Variants in AKR1C8 observed in about 807,000 individuals in gnomAD.
AKR1C8 encodes the protein aldo-keto reductase family 1 member C8, also known as aldo-keto reductase family 1 member C-like protein 1.
the AKR1C8 span, among the ~76,000 whole-genome samples, chr10:5,163,757 C>T: frequency 6.6e-6 from 1 of 152,042 alleles, no homozygotes; most frequent in African/African-American, 2.4e-5. Context: ...AGACAAAGGC[C>T]CAACATAAAA....
At chr10:5,160,991 T>C in the AKR1C8 span, 4 of 427,514 alleles carry the variant, frequency 9.4e-6, no homozygotes, top group South Asian at 3.5e-5. Flanking sequence ...TTTCAGGAGG[T>C]GGTGATTATT....
chr10:5,141,765 A>C, the AKR1C8 span, among the ~76,000 whole-genome samples: 49 of 152,154 alleles, frequency 3.2e-4, no homozygotes, highest in Non-Finnish European at 6.0e-4. Context: ...TTTATTTTAA[A>C]CAGTAGACTT....
At chr10:5,161,360 G>A in the AKR1C8 span, among the ~76,000 whole-genome samples, 1 of 152,172 alleles carries the variant, frequency 6.6e-6, no homozygotes, top group Non-Finnish European at 1.5e-5. Flanking sequence ...AACGTCCACT[G>A]TGATGAGAGG....
the AKR1C8 span, among the ~76,000 whole-genome samples, chr10:5,137,154 C>A: frequency 4.9e-3 from 751 of 152,178 alleles, 6 homozygotes; most frequent in Middle Eastern, 0.014. Context: ...AATCTTTTGG[C>A]TGCTAGAAAC....
At chr10:5,128,707 A>G in the AKR1C8 span, among the ~76,000 whole-genome samples, 1 of 152,114 alleles carries the variant, frequency 6.6e-6, no homozygotes, top group Admixed American at 6.6e-5. Context: ...TAATTATATA[A>G]TGATAAAAGA....
the AKR1C8 span, chr10:5,132,807 G>A: frequency 8.0e-3 from 7,123 of 890,202 alleles, 372 homozygotes; most frequent in African/African-American, 0.11. Flanking sequence ...GGTGATCAAT[G>A]TGCTCAACAG....
chr10:5,121,600 G>A, the AKR1C8 span, among the ~76,000 whole-genome samples: 1 of 151,970 alleles, frequency 6.6e-6, no homozygotes, highest in African/African-American at 2.4e-5. Flanking sequence ...CATGGAAGCA[G>A]GGCCCACTGT....
At chr10:5,173,724 T>C in the AKR1C8 span, among the ~76,000 whole-genome samples, 1 of 151,964 alleles carries the variant, frequency 6.6e-6, no homozygotes, top group Non-Finnish European at 1.5e-5. Flanking sequence ...AGCATCACTG[T>C]TTATATTCTC....
the AKR1C8 span, among the ~76,000 whole-genome samples, chr10:5,139,052 A>C: frequency 6.6e-6 from 1 of 152,208 alleles, no homozygotes; most frequent in Admixed American, 6.6e-5. Flanking sequence ...ACTCCCATTC[A>C]CAATTGCTTC....
the AKR1C8 span, among the ~76,000 whole-genome samples, chr10:5,151,476 A>T: frequency 6.6e-6 from 1 of 151,766 alleles, no homozygotes; most frequent in South Asian, 2.1e-4. Flanking sequence ...AGCAGGATGG[A>T]GTCAGTTTGT....
chr10:5,133,728 G>C, the AKR1C8 span, among the ~76,000 whole-genome samples: 2 of 152,164 alleles, frequency 1.3e-5, no homozygotes, highest in African/African-American at 4.8e-5. Context: ...ACCCTTATTA[G>C]TTAGGAAATG....
At chr10:5,146,832 C>G in the AKR1C8 span, among the ~76,000 whole-genome samples, 5 of 152,118 alleles carry the variant, frequency 3.3e-5, no homozygotes, top group East Asian at 9.6e-4. Context: ...GAAGGGTTAT[C>G]TTCTCAAATG....
the AKR1C8 span, among the ~76,000 whole-genome samples, chr10:5,156,554 A>ATCTATCTATCTT: frequency 8.4e-4 from 128 of 151,870 alleles, no homozygotes; most frequent in South Asian, 0.011. Context: ...CTATCTATCT[A>ATCTATCTATCTT]ATGTATTTAT....
chr10:5,146,205 G>A, the AKR1C8 span, among the ~76,000 whole-genome samples: 2 of 124,632 alleles, frequency 1.6e-5, no homozygotes, highest in East Asian at 5.9e-4. Context: ...GTTGTGGGGT[G>A]GGGGGAGGGG....
the AKR1C8 span, among the ~76,000 whole-genome samples, chr10:5,166,624 T>C: frequency 1.6e-4 from 24 of 152,106 alleles, no homozygotes; most frequent in Admixed American, 7.9e-4. Context: ...TTACACCTTA[T>C]ACAAAAATTA....
the AKR1C8 span, among the ~76,000 whole-genome samples, chr10:5,168,211 C>T: frequency 6.6e-6 from 1 of 151,934 alleles, no homozygotes; most frequent in Non-Finnish European, 1.5e-5. Flanking sequence ...GAAAAACAAC[C>T]CAGATCTTTG....
the AKR1C8 span, chr10:5,123,927 C>A: frequency 1.7e-6 from 2 of 1,155,698 alleles, no homozygotes; most frequent in Non-Finnish European, 2.4e-6. Context: ...TGTGTAGCAT[C>A]AAATTTGAAC....
chr10:5,126,441 C>G, the AKR1C8 span, among the ~76,000 whole-genome samples: 28 of 152,058 alleles, frequency 1.8e-4, no homozygotes, highest in Non-Finnish European at 3.1e-4. Context: ...TTCCTGTCAA[C>G]CTGGTATGGG....
At chr10:5,156,673 G>A in the AKR1C8 span, among the ~76,000 whole-genome samples, 3 of 152,084 alleles carry the variant, frequency 2.0e-5, no homozygotes, top group Admixed American at 6.5e-5. Context: ...ATGAGAGCAG[G>A]TATTAACATT....
Sources: gnomAD v4.1 joint callset for allele counts (sites outside exome capture counted in the v4.1 genomes callset) on GRCh38, gnomAD v4.1.1 for gene constraint, MANE v1.5 for transcripts, NCBI Gene and HGNC (gene_info 2026-07-23, HGNC 2026-07-21) for gene names.